The following INPP4B variants were observed in gnomAD, a reference collection of about 807,000 sequenced individuals.
The protein encoded by INPP4B is inositol polyphosphate-4-phosphatase type II B.
A neutral mutation model predicts 122.5 loss-of-function variants in INPP4B; 55 were observed. The observed-to-expected ratio is 0.45, with a 90% confidence interval of 0.36 to 0.56. The LOEUF (loss-of-function observed/expected upper bound fraction) is 0.56. Ranked by LOEUF, INPP4B falls within the 20% of genes least tolerant of loss-of-function variation. The probability of loss-of-function intolerance (pLI) is 0.00; values close to 1 mark genes in which losing one functional copy is unlikely to be tolerated. For missense variants in INPP4B, 1,000 were observed against 1,097.7 expected, an observed-to-expected ratio of 0.91 and a Z score of 1.26; for synonymous variants, 403 against 388.7, an observed-to-expected ratio of 1.04 and a Z score of -0.43.
chr4:142,578,355 T>C (rs1360946073), intron 2 of INPP4B, among the ~76,000 whole-genome samples: 1 of 151,978 alleles, frequency 6.6e-6, no homozygotes, highest in East Asian at 1.9e-4. Context: ...TCTCTGATTG[T>C]TAGATGCTGT....
intron 2 of INPP4B, among the ~76,000 whole-genome samples, chr4:142,537,429 T>TATATAGAGAGAGAGAGAGAG (rs1200701380): frequency 3.9e-5 from 1 of 25,484 alleles, no homozygotes; most frequent in Non-Finnish European, 9.2e-5. Context: ...TATATATATA[T>TATATAGAGAGAGAGAGAGAG]AGAGAGAGAG....
At chr4:142,722,789 G>A (rs889570487) in intron 2 of INPP4B, among the ~76,000 whole-genome samples, 1 of 151,936 alleles carries the variant, frequency 6.6e-6, no homozygotes, top group African/African-American at 2.4e-5. Flanking sequence ...ACCTAATTTC[G>A]GCACTGTGAG....
intron 2 of INPP4B, among the ~76,000 whole-genome samples, chr4:142,671,399 T>C (rs1033974105): frequency 6.6e-6 from 1 of 152,150 alleles, no homozygotes. Context: ...AGTGCTCCAA[T>C]GAAATGGATT....
intron 2 of INPP4B, among the ~76,000 whole-genome samples, chr4:142,651,963 A>T (rs897579746): frequency 5.3e-5 from 8 of 152,180 alleles, no homozygotes; most frequent in African/African-American, 1.9e-4. Flanking sequence ...TCGATACAAA[A>T]ATCCTCAATA....
chr4:142,760,629 C>A (rs773315355), intron 1 of INPP4B, among the ~76,000 whole-genome samples: 1 of 151,980 alleles, frequency 6.6e-6, no homozygotes, highest in African/African-American at 2.4e-5. Flanking sequence ...TACATGAGAA[C>A]AGCTAATTGA....
chr4:142,737,245 T>A (rs1767081554), intron 1 of INPP4B, among the ~76,000 whole-genome samples: 1 of 152,172 alleles, frequency 6.6e-6, no homozygotes, highest in Admixed American at 6.5e-5. Context: ...AACAGCATGG[T>A]ACTGGTACCA....
At chr4:142,555,564 T>TA (rs1728968147) in intron 2 of INPP4B, among the ~76,000 whole-genome samples, 4 of 152,032 alleles carry the variant, frequency 2.6e-5, no homozygotes, top group Non-Finnish European at 4.4e-5. Context: ...TGAAACTGGT[T>TA]AAAAAAATTT....
chr4:142,515,117 T>C (rs1031928937), intron 2 of INPP4B, among the ~76,000 whole-genome samples: 1 of 152,224 alleles, frequency 6.6e-6, no homozygotes, highest in East Asian at 1.9e-4. Flanking sequence ...TTAAATATTG[T>C]ATGTATATAA....
At chr4:142,537,439 G>GT (rs1828394601) in intron 2 of INPP4B, among the ~76,000 whole-genome samples, 1 of 69,198 alleles carries the variant, frequency 1.4e-5, no homozygotes, top group African/African-American at 4.6e-5. Context: ...TAGAGAGAGA[G>GT]AGAGAGAGAG....
intron 25 of INPP4B, among the ~76,000 whole-genome samples, chr4:142,052,589 T>C (rs1043090045): frequency 6.6e-6 from 1 of 152,050 alleles, no homozygotes; most frequent in Admixed American, 6.6e-5. Flanking sequence ...TAGAGCTTTT[T>C]AACAAGGGTA....
chr4:142,633,982 C>T (rs1748543820), intron 2 of INPP4B, among the ~76,000 whole-genome samples: 2 of 151,332 alleles, frequency 1.3e-5, no homozygotes, highest in Admixed American at 6.6e-5. Context: ...GCAGTGATCA[C>T]ACCGCTGCAC....
At chr4:142,615,502 C>G (rs960551906) in intron 2 of INPP4B, among the ~76,000 whole-genome samples, 10 of 152,166 alleles carry the variant, frequency 6.6e-5, no homozygotes, top group African/African-American at 2.4e-4. Flanking sequence ...TAAACTAGGT[C>G]AGAGTGACCT....
chr4:142,714,552 G>C (rs1763526130), intron 2 of INPP4B, among the ~76,000 whole-genome samples: 1 of 152,170 alleles, frequency 6.6e-6, no homozygotes, highest in Non-Finnish European at 1.5e-5. Context: ...AGATAAAGCT[G>C]ATGAATAAAC....
At chr4:142,789,462 A>G (rs939203108) in intron 1 of INPP4B, among the ~76,000 whole-genome samples, 1 of 152,152 alleles carries the variant, frequency 6.6e-6, no homozygotes, top group African/African-American at 2.4e-5. Flanking sequence ...GATCAAATCA[A>G]GAACTCAACC....
At chr4:142,303,594 C>T (rs10519638) in intron 9 of INPP4B, among the ~76,000 whole-genome samples, 12,792 of 152,030 alleles carry the variant, frequency 0.084, 723 homozygotes, top group African/African-American at 0.15. Context: ...AATCAAGAGG[C>T]TACGATAAAT....
chr4:142,077,958 C>CA (rs34738128), intron 25 of INPP4B, among the ~76,000 whole-genome samples: 125,908 of 148,764 alleles, frequency 0.85, 56,030 homozygotes, highest in Non-Finnish European at 0.98. Context: ...CCTTTAACAA[C>CA]AAAAAAAAAA....
intron 25 of INPP4B, among the ~76,000 whole-genome samples, chr4:142,057,610 A>G (rs535725598): frequency 1.3e-5 from 2 of 152,258 alleles, no homozygotes; most frequent in East Asian, 3.9e-4. Flanking sequence ...TTGCCTGTGT[A>G]TAAAGATTAT....
intron 7 of INPP4B, among the ~76,000 whole-genome samples, chr4:142,387,426 A>G (rs1796297124): frequency 6.6e-6 from 1 of 151,970 alleles, no homozygotes; most frequent in South Asian, 2.1e-4. Context: ...ATCTTGCTAA[A>G]GATAACTTAC....
intron 2 of INPP4B, among the ~76,000 whole-genome samples, chr4:142,698,507 C>A (rs926697850): frequency 6.6e-6 from 1 of 152,126 alleles, no homozygotes; most frequent in African/African-American, 2.4e-5. Context: ...AATATCTGGA[C>A]TTTCTGCAGA....
Sources: gnomAD v4.1 joint callset for allele counts (sites outside exome capture counted in the v4.1 genomes callset) on GRCh38, gnomAD v4.1.1 for gene constraint, MANE v1.5 for transcripts, NCBI Gene and HGNC (gene_info 2026-07-23, HGNC 2026-07-21) for gene names.